FXN: variants seen among roughly 807,000 people sequenced by gnomAD.
FXN encodes frataxin.
In FXN, 14 loss-of-function variants were observed where a neutral mutation model predicts 22.4. The observed-to-expected ratio is 0.62, with a 90% CI of 0.41 to 0.98. The LOEUF is 0.98. Ranked by LOEUF, FXN falls within the 50% of genes least tolerant of loss-of-function variation. The pLI, the probability that FXN is intolerant of heterozygous loss-of-function variation, is 0.00. For missense variants in FXN, 267 were observed against 268.4 expected, an observed-to-expected ratio of 0.99 and a Z score of 0.04; for synonymous variants, 120 against 114.1, an observed-to-expected ratio of 1.05 and a Z score of -0.33.
At chr9:69,044,097 C>T (rs780563284) in intron 1 of FXN, among the ~76,000 whole-genome samples, 1 of 152,178 alleles carries the variant, frequency 6.6e-6, no homozygotes, top group South Asian at 2.1e-4. Flanking sequence ...ATATATTGAT[C>T]GATTGGTAAC....
intron 2 of FXN, among the ~76,000 whole-genome samples, chr9:69,052,878 C>T (rs1158977912): frequency 1.3e-5 from 2 of 151,404 alleles, no homozygotes; most frequent in Admixed American, 6.6e-5. Flanking sequence ...CGGTGCCTTA[C>T]GCCTGTAATC....
chr9:69,040,096 A>T (rs947626543), intron 1 of FXN, among the ~76,000 whole-genome samples: 3 of 152,218 alleles, frequency 2.0e-5, no homozygotes, highest in Non-Finnish European at 4.4e-5. Flanking sequence ...CACATCGGGA[A>T]TTAAGTTTCA....
chr9:69,052,672 A>C (rs2133110041), intron 2 of FXN, among the ~76,000 whole-genome samples: 1 of 150,896 alleles, frequency 6.6e-6, no homozygotes, highest in South Asian at 2.1e-4. Flanking sequence ...CCTCCTGAGT[A>C]GCTGGGACTA....
intron 3 of FXN, among the ~76,000 whole-genome samples, chr9:69,060,892 G>A (rs539540802): frequency 8.0e-4 from 122 of 152,304 alleles, no homozygotes; most frequent in African/African-American, 2.8e-3. Flanking sequence ...ATCTCCTGCT[G>A]CTAAGGTGCT....
At chr9:69,059,391 CTTTTTTTTTTTTT>C (rs35159671) in intron 3 of FXN, among the ~76,000 whole-genome samples, 1 of 62,996 alleles carries the variant, frequency 1.6e-5, no homozygotes, top group Non-Finnish European at 2.6e-5. Context: ...GAGGCAGCAT[CTTTTTTTTTTTTT>C]TTTTTTTTTT....
At chr9:69,061,960 A>G (rs532168017) in intron 3 of FXN, among the ~76,000 whole-genome samples, 1 of 152,260 alleles carries the variant, frequency 6.6e-6, no homozygotes, top group East Asian at 1.9e-4. Flanking sequence ...TGGAAAAATA[A>G]TTTATAAAAC....
At chr9:69,049,223 A>G (rs543138310) in intron 2 of FXN, among the ~76,000 whole-genome samples, 4 of 152,318 alleles carry the variant, frequency 2.6e-5, no homozygotes, top group Admixed American at 2.6e-4. Flanking sequence ...ACTGTCAGGT[A>G]TAAAGTCGGT....
At chr9:69,056,796 G>A (rs775627319) in intron 3 of FXN, among the ~76,000 whole-genome samples, 1 of 138,916 alleles carries the variant, frequency 7.2e-6, no homozygotes, top group Non-Finnish European at 1.7e-5. Flanking sequence ...AGGCTGGAGT[G>A]TAGTGGTGTG....
chr9:69,069,913 ACT>A (rs111757112), intron 4 of FXN, among the ~76,000 whole-genome samples: 4 of 152,016 alleles, frequency 2.6e-5, no homozygotes, highest in South Asian at 4.2e-4. Flanking sequence ...TTGAAGAAAG[ACT>A]CTTCCAATTT....
intron 1 of FXN, among the ~76,000 whole-genome samples, chr9:69,037,286 AG>A (rs1350954729): frequency 0.015 from 1,208 of 78,898 alleles, 20 homozygotes; most frequent in African/African-American, 0.047. Context: ...AAAAAAAAAA[AG>A]AAGAAGAAGA....
chr9:69,071,431 G>A (rs372248201), intron 4 of FXN, among the ~76,000 whole-genome samples: 1 of 152,330 alleles, frequency 6.6e-6, no homozygotes, highest in Admixed American at 6.5e-5. Context: ...AGACTCAGGT[G>A]CCCTTTCTTC....
chr9:69,053,133 T>C lies in FXN; in HGVS notation c.264-7T>C, dbSNP rs1240574805. 2 of 1,613,824 alleles carry C rather than the reference T, an allele frequency of 1.2e-6. No homozygotes were observed. The highest frequency in any genetic ancestry group is 2.2e-5 in the East Asian group (1 of 44,868). On this transcript the variant is annotated splice_region_variant and splice_polypyrimidine_tract_variant and intron_variant, in intron 2 of 4. Transcript: ENST00000484259. ...ATCATGTTTTGGGTTTTGTGCTTCC[T>C]CTGCAGCTCTCTAGATGAGACCACC...
At chr9:69,051,972 C>T (rs1437430233) in intron 2 of FXN, among the ~76,000 whole-genome samples, 1 of 152,012 alleles carries the variant, frequency 6.6e-6, no homozygotes, top group Non-Finnish European at 1.5e-5. Context: ...CTCAGCCTCC[C>T]GAGTAGCTGG....
chr9:69,052,522 T>C (rs1186167141), intron 2 of FXN, among the ~76,000 whole-genome samples: 1 of 146,460 alleles, frequency 6.8e-6, no homozygotes, highest in Non-Finnish European at 1.5e-5. Flanking sequence ...CTGTAACCCC[T>C]TCTGTGCTGT....
intron 4 of FXN, among the ~76,000 whole-genome samples, chr9:69,070,961 G>A (rs1832263655): frequency 6.6e-6 from 1 of 152,084 alleles, no homozygotes; most frequent in African/African-American, 2.4e-5. Context: ...GTGAGCCACT[G>A]CAGCAGCCTG....
At chr9:69,070,562 C>T (rs1234268829) in intron 4 of FXN, among the ~76,000 whole-genome samples, 1 of 152,234 alleles carries the variant, frequency 6.6e-6, no homozygotes, top group Non-Finnish European at 1.5e-5. Flanking sequence ...CTCAGGGAAA[C>T]ACCAGCCAGT....
At chr9:69,065,751 TTCC>T in intron 4 of FXN, among the ~76,000 whole-genome samples, 1 of 152,320 alleles carries the variant, frequency 6.6e-6, no homozygotes, top group East Asian at 1.9e-4. Flanking sequence ...CTAGACAGTT[TTCC>T]TCTATTAAAT....
At chr9:69,042,085 A>G (rs531477846) in intron 1 of FXN, among the ~76,000 whole-genome samples, 1 of 152,206 alleles carries the variant, frequency 6.6e-6, no homozygotes, top group African/African-American at 2.4e-5. Flanking sequence ...TAAAAACACA[A>G]AAATTAGCTG....
chr9:69,040,592 C>T (rs956306678), intron 1 of FXN, among the ~76,000 whole-genome samples: 3 of 152,080 alleles, frequency 2.0e-5, no homozygotes, highest in South Asian at 2.1e-4. Context: ...GGCGTGAACC[C>T]GGGAGGCAGA....
Sources: allele counts gnomAD v4.1 joint callset (sites outside exome capture counted in the v4.1 genomes callset), GRCh38; gene constraint gnomAD v4.1.1; transcripts MANE v1.5; gene names NCBI Gene and HGNC (gene_info 2026-07-23, HGNC 2026-07-21).